ATRN: variants seen among roughly 807,000 people sequenced by gnomAD.
ATRN encodes the protein attractin.
A neutral mutation model predicts 178.7 loss-of-function variants in ATRN; 54 were observed. The observed-to-expected ratio is 0.30, with a 90% CI of 0.24 to 0.38. The LOEUF (loss-of-function observed/expected upper bound fraction) is 0.38. Among genes scored for constraint, ATRN ranks in the 10% least tolerant of loss-of-function variants. ATRN has a pLI of 1.00. For synonymous variants in ATRN, 636 were observed against 663.0 expected (o/e 0.96, Z 0.63); for missense variants, 1,443 against 1,815.1 (o/e 0.79, Z 3.73).
chr20:3,635,469 A>G (rs552394950), intron 26 of ATRN, among the ~76,000 whole-genome samples: 3 of 152,316 alleles, frequency 2.0e-5, no homozygotes, highest in Non-Finnish European at 4.4e-5. Context: ...TTGCATCATT[A>G]CTTTGCCTTT....
At chr20:3,571,895 C>G (rs967394713) in intron 11 of ATRN, among the ~76,000 whole-genome samples, 4 of 151,734 alleles carry the variant, frequency 2.6e-5, no homozygotes, top group Admixed American at 2.6e-4. Flanking sequence ...TTTTTTTTCA[C>G]TCTTAGGTTA....
chr20:3,576,695 G>GTCTATCTATCTA (rs1555819445), intron 13 of ATRN, among the ~76,000 whole-genome samples, 164 bp from the exon 14 acceptor site: 6,967 of 142,290 alleles, frequency 0.049, 215 homozygotes, highest in Non-Finnish European at 0.064. Flanking sequence ...CTGTCTGTCT[G>GTCTATCTATCTA]TCTATCTATC....
chr20:3,541,558 G>A (rs2085622494), intron 3 of ATRN, among the ~76,000 whole-genome samples: 3 of 152,146 alleles, frequency 2.0e-5, no homozygotes, highest in Admixed American at 2.0e-4. Flanking sequence ...CCACAAATCT[G>A]TACAGCATCT....
At position 3,471,421 on chromosome 20, in the gene ATRN, G is replaced by T. The variant is rs1321796481; in HGVS notation, c.314G>T (p.Cys105Phe). ...GAGGCCAAGGAATGTGACCGGCCCT[G>T]TGTCAACGGCGGTCGCTGCAACCCT... is the stretch of plus-strand genomic sequence containing the variant. ...AAEAKECDRP[C>F]VNGGRCNPGT... Residue 105 changes from cysteine (C) to phenylalanine (F), a missense_variant, in exon 1 of 29, where the codon TGT becomes TTT. Cys to Phe is a radical substitution (Grantham distance 205). This residue lies in a region of ATRN where 862 missense variants were observed against 972.1 expected (regional missense o/e 0.89). Transcript: ENST00000262919. The T allele has an allele frequency of 1.4e-6, 2 of 1,476,650 alleles. No individual in the cohort carries two copies. The highest frequency in any genetic ancestry group is 1.3e-5 in the South Asian group (1 of 76,138). The allele number at this position is 1,476,650 out of a possible 1,614,324, so 91.5% of individuals were successfully genotyped here. A position where few individuals can be genotyped will look rare whatever the true frequency, so the allele number is the denominator to read the frequency against.
chr20:3,570,235 C>G (rs2086100771), intron 11 of ATRN, among the ~76,000 whole-genome samples: 1 of 152,076 alleles, frequency 6.6e-6, no homozygotes. Flanking sequence ...TTCTCTTGAT[C>G]TGTAGGGACC....
At position 3,472,312 on chromosome 20, in the gene ATRN, T is replaced by A. The variant is rs531148900; in HGVS notation, c.410+795T>A. ...CAGACAGATTAGCCAGACTTTGGCC[T>A]TGTCCACAGGGAGTTTGGAATATAG... On this transcript the variant is annotated intron_variant, in intron 1 of 28. Transcript: ENST00000262919. Among the ~76,000 whole-genome samples, 43 of 152,314 alleles carry A rather than the reference T, an allele frequency of 2.8e-4. 1 individual carries two copies. Among genetic ancestry groups the A allele is most frequent in the African/African-American group, 9.6e-4 (40 of 41,578 alleles).
rs1194786017 is a variant in ATRN at position 3,471,267 on chromosome 20, T to A, written c.160T>A (p.Ser54Thr). The A allele has an allele frequency of 6.9e-7, 1 of 1,455,174 alleles. No homozygotes were observed. 90.1% of individuals were successfully genotyped at this position (1,455,174 alleles called of 1,614,324 possible). A position where few individuals can be genotyped will look rare whatever the true frequency, so the allele number is the denominator to read the frequency against. Residue 54 changes from serine to threonine, a missense_variant, in exon 1 of 29, where the codon TCT (serine) becomes ACT (threonine). Ser to Thr is a moderately conservative substitution (Grantham distance 58). Around this residue, in one of 4 missense-constraint regions of ATRN, gnomAD observed 862 missense variants for 972.1 expected, o/e 0.89. Transcript: ENST00000262919. Reference sequence around the variant, plus strand: ...CGGGCTGCGCCTCCCGCGGCTGCTGTCTCCACCGCTGCGGCCACGGCTGCT... The same window carrying A: ...CGGGCTGCGCCTCCCGCGGCTGCTGACTCCACCGCTGCGGCCACGGCTGCT... ...GAGLRLPRLL[S>T]PPLRPRLLLL...
Position 3,623,071 on chromosome 20 carries a change from T to C in ATRN, c.3802-1440T>C, listed in dbSNP as rs148465876. 5.3e-5 allele frequency among the ~76,000 whole-genome samples: 8 copies of C among 152,324 alleles called. No homozygotes were observed. The East Asian group carries it at 9.6e-4, about 18-fold the overall frequency. On this transcript the variant is annotated intron_variant, in intron 24 of 28. Coordinates refer to ENST00000262919, the MANE Select transcript of ATRN (RefSeq NM_139321.3). ...AGGACACACTTAACGTTTTAAAAGA[T>C]TGAAATCCAGACAGGGCTGGGGTGG... is the stretch of plus-strand genomic sequence containing the variant.
At chr20:3,603,739 C>T (rs1182672943) in intron 23 of ATRN, among the ~76,000 whole-genome samples, 1 of 152,094 alleles carries the variant, frequency 6.6e-6, no homozygotes, top group Non-Finnish European at 1.5e-5. Context: ...CCACCCGCCT[C>T]GGTCTCCCAA....
chr20:3,625,149 C>A (rs1220766685), intron 25 of ATRN, among the ~76,000 whole-genome samples: 1 of 152,128 alleles, frequency 6.6e-6, no homozygotes, highest in Non-Finnish European at 1.5e-5. Context: ...TTCCCCACCC[C>A]ACGTCCCCCA....
Position 3,578,562 on chromosome 20 carries a change from T to C in ATRN, c.2354-20T>C. 6.3e-7 allele frequency: 1 copy of C among 1,577,436 alleles called. No individual in the cohort carries two copies. Among genetic ancestry groups the C allele is most frequent in the Non-Finnish European group, 8.6e-7 (1 of 1,160,596 alleles). On this transcript the variant is annotated intron_variant, in intron 14 of 28. Transcript: ENST00000262919. ...CTGATTTCTAAAATTCTTTTCTTTC[T>C]CTTTTCCCCTTAATGAAAGAAAATA...
chr20:3,498,667 T>C lies in ATRN; in HGVS notation c.410+27150T>C, dbSNP rs573478859. Among the ~76,000 whole-genome samples the C allele has an allele frequency of 1.2e-3, 181 of 152,292 alleles. 1 individual carries two copies. The highest frequency in any genetic ancestry group is 1.6e-3 in the Non-Finnish European group (111 of 68,038). On this transcript the variant is annotated intron_variant, in intron 1 of 28. Transcript: ENST00000262919. ...CTAAAAACTCTCAGTAAATTAGGTA[T>C]TGATGGGACGTATTTCAAAATAATA... is the stretch of plus-strand genomic sequence containing the variant.
chr20:3,566,567 GT>G (rs1216293048), intron 11 of ATRN, among the ~76,000 whole-genome samples: 2 of 152,044 alleles, frequency 1.3e-5, no homozygotes, highest in Non-Finnish European at 2.9e-5. Context: ...TGAAATTTCT[GT>G]TGTAACGATG....
intron 11 of ATRN, 69 bp downstream of exon 11, chr20:3,565,501 C>T: frequency 2.9e-6 from 4 of 1,359,378 alleles, no homozygotes; most frequent in Middle Eastern, 3.6e-4. Flanking sequence ...GGCACGGTGG[C>T]TCACGCCTGT....
In ATRN at chr20:3,634,300, C is replaced by G; in HGVS notation, c.3864-11C>G. 1 of 1,611,296 alleles carries G rather than the reference C, an allele frequency of 6.2e-7. No homozygotes were observed. The highest frequency in any genetic ancestry group is 8.5e-7 in the Non-Finnish European group (1 of 1,177,870). Reference sequence around the variant, plus strand: ...GCTGGGATAATAACTCAGTACTTTCCTTTCTCACAGTTGTTTCCTCTCTTT... The same window carrying G: ...GCTGGGATAATAACTCAGTACTTTCGTTTCTCACAGTTGTTTCCTCTCTTT... On this transcript the variant is annotated splice_polypyrimidine_tract_variant and intron_variant, in intron 25 of 28. Transcript: ENST00000262919.
intron 10 of ATRN, among the ~76,000 whole-genome samples, chr20:3,564,000 T>C (rs1462371393): frequency 6.6e-6 from 1 of 152,234 alleles, no homozygotes; most frequent in East Asian, 1.9e-4. Flanking sequence ...CTTGTAAGAC[T>C]GAAGCTGTAT....
At chr20:3,569,792 C>T (rs2086091828) in intron 11 of ATRN, among the ~76,000 whole-genome samples, 1 of 152,066 alleles carries the variant, frequency 6.6e-6, no homozygotes, top group African/African-American at 2.4e-5. Context: ...TTCTTTAAGC[C>T]AGGGGTGGTG....
At chr20:3,568,268 G>A (rs1051951957) in intron 11 of ATRN, among the ~76,000 whole-genome samples, 4 of 151,632 alleles carry the variant, frequency 2.6e-5, no homozygotes, top group African/African-American at 4.9e-5. Context: ...CTCCAGCCTG[G>A]GCAACAGAGC....
At chr20:3,582,393 T>C (rs764549300) in intron 16 of ATRN, 39 bp downstream of exon 16, 1 of 1,580,712 alleles carries the variant, frequency 6.3e-7, no homozygotes, top group Admixed American at 1.7e-5. Context: ...TCAGAGTTTA[T>C]TGTGAGAGAA....
Sources: gnomAD v4.1 joint callset for allele counts (sites outside exome capture counted in the v4.1 genomes callset) on GRCh38, gnomAD v4.1.1 for gene constraint, gnomAD v4.1.1 regional missense constraint, MANE v1.5 for transcripts, NCBI Gene and HGNC (gene_info 2026-07-23, HGNC 2026-07-21) for gene names.